AXIN1: variants seen among roughly 807,000 people sequenced by gnomAD.
The protein encoded by AXIN1 is axin-1.
A neutral mutation model predicts 76.4 loss-of-function variants in AXIN1; 30 were observed. That is an observed-to-expected ratio of 0.39 (90% CI 0.29 to 0.53). The LOEUF (loss-of-function observed/expected upper bound fraction) is 0.53. Among genes scored for constraint, AXIN1 ranks in the 20% least tolerant of loss-of-function variants. The pLI is 0.66. For missense variants in AXIN1, 1,140 were observed against 1,198.8 expected (o/e 0.95, Z 0.72); for synonymous variants, 545 against 501.4 (o/e 1.09, Z -1.16).
chr16:321,640 T>A (rs746535573), intron 2 of AXIN1, among the ~76,000 whole-genome samples: 2 of 141,262 alleles, frequency 1.4e-5, no homozygotes, highest in Non-Finnish European at 3.1e-5. Context: ...GAATATGAGG[T>A]AGGTGGATTC....
intron 2 of AXIN1, among the ~76,000 whole-genome samples, chr16:342,052 A>AGCTG (rs1169382304): frequency 6.6e-6 from 1 of 152,242 alleles, no homozygotes; most frequent in Non-Finnish European, 1.5e-5. Flanking sequence ...AGAGAATAAA[A>AGCTG]GCTGGCTGCG....
At chr16:311,347 A>G (rs984770300) in intron 3 of AXIN1, among the ~76,000 whole-genome samples, 1 of 151,996 alleles carries the variant, frequency 6.6e-6, no homozygotes, top group African/African-American at 2.4e-5. Flanking sequence ...GGTTTTCTTT[A>G]TGAACCCTTT....
At chr16:328,810 C>A (rs1286937018) in intron 2 of AXIN1, among the ~76,000 whole-genome samples, 3 of 152,222 alleles carry the variant, frequency 2.0e-5, no homozygotes, top group Non-Finnish European at 4.4e-5. Flanking sequence ...GGAGAGATGG[C>A]AGGCAGGGAG....
intron 2 of AXIN1, among the ~76,000 whole-genome samples, chr16:343,272 G>A (rs2053965094): frequency 6.6e-6 from 1 of 152,232 alleles, no homozygotes; most frequent in Admixed American, 6.5e-5. Flanking sequence ...ACCAAGGACA[G>A]ACAGCAAAGC....
chr16:341,035 C>A (rs910091981), intron 2 of AXIN1, among the ~76,000 whole-genome samples: 7 of 152,250 alleles, frequency 4.6e-5, no homozygotes, highest in Admixed American at 2.0e-4. Flanking sequence ...GGGTCAGCAC[C>A]CGAGGGCTGG....
Position 287,772 on chromosome 16 carries a change from A to G in AXIN1, c.*350T>C. 1 of 438,828 alleles carries G rather than the reference A, an allele frequency of 2.3e-6. No homozygotes were observed. The highest frequency in any genetic ancestry group is 4.3e-6 in the Non-Finnish European group (1 of 234,614). 27.2% of individuals were successfully genotyped at this position (438,828 alleles called of 1,614,324 possible). ...CCACCCAGACCTGGGTACGTGGGCA[A>G]ATCCCAGAGGGAAAGTAGATCCCAG... is the stretch of plus-strand genomic sequence containing the variant. On this transcript the variant is annotated 3_prime_UTR_variant, in exon 11 of 11. Transcript: ENST00000262320.
chr16:341,251 C>T (rs1052566861), intron 2 of AXIN1, among the ~76,000 whole-genome samples: 4 of 152,254 alleles, frequency 2.6e-5, no homozygotes, highest in Admixed American at 6.5e-5. Context: ...CCTCAGCTTG[C>T]GGGGAGGTGT....
In AXIN1 at chr16:326,369, AAAAAT is replaced by A. The variant is rs1169437072; in HGVS notation, c.879-11691_879-11687del. Among the ~76,000 whole-genome samples the A allele has an allele frequency of 5.9e-3, 590 of 99,800 alleles. 5 individuals are homozygous for A. Among genetic ancestry groups the A allele is most frequent in the African/African-American group, 0.028 (486 of 17,508 alleles). 65.5% of individuals were successfully genotyped at this position (99,800 alleles called of 152,430 possible). On this transcript the variant is annotated intron_variant, in intron 2 of 10. Transcript: ENST00000262320. ...AACTCCGTCTCAAAAAAAAAAAAAA[AAAAAT>A]ATATATATATATATATATATACACA...
chr16:288,639 A>G (rs1353528992), intron 10 of AXIN1, among the ~76,000 whole-genome samples: 2 of 152,202 alleles, frequency 1.3e-5, no homozygotes, highest in Non-Finnish European at 2.9e-5. Context: ...GGGTGTTTGC[A>G]CAGTGGCTTG....
Position 288,231 on chromosome 16 carries a change from A to G in AXIN1, c.2480T>C (p.Val827Ala), listed in dbSNP as rs780834052. The G allele has an allele frequency of 3.7e-6, 6 of 1,613,610 alleles. No homozygotes were observed. Among genetic ancestry groups the G allele is most frequent in the Non-Finnish European group, 3.4e-6 (4 of 1,179,994 alleles). Reference protein sequence around the residue: ...KGSYRYYFKKVSDEFDCGVVF... With the variant: ...KGSYRYYFKKASDEFDCGVVF... ...CACCCCACAGTCAAACTCGTCGCTC[A>G]CTTTCTTGAAGTAGTATCTGCAGGA... The change falls in exon 11 of 11, where the codon GTG becomes GCG. Residue 827 changes from valine to alanine, a missense_variant. Coordinates refer to ENST00000262320, the MANE Select transcript of AXIN1 (RefSeq NM_003502.4).
chr16:295,902 G>A (rs1350710523), intron 7 of AXIN1, among the ~76,000 whole-genome samples: 1 of 152,164 alleles, frequency 6.6e-6, no homozygotes, highest in South Asian at 2.1e-4. Context: ...AGGAGGTGGA[G>A]GTTGCAGTTA....
At chr16:307,949 C>T (rs554726529) in intron 4 of AXIN1, among the ~76,000 whole-genome samples, 1 of 152,334 alleles carries the variant, frequency 6.6e-6, no homozygotes, top group South Asian at 2.1e-4. Context: ...ACTTGGGCCT[C>T]TGGCTGAGGG....
At chr16:297,335 C>T in intron 6 of AXIN1, 109 bp from the exon 7 acceptor site, 1 of 1,431,006 alleles carries the variant, frequency 7.0e-7, no homozygotes, top group Non-Finnish European at 9.6e-7. Flanking sequence ...CGTGGTGCAG[C>T]CGCCGCCCGC....
intron 1 of AXIN1, 75 bp from the exon 2 acceptor site, chr16:347,181 A>G (rs2054050525): frequency 1.5e-6 from 2 of 1,317,444 alleles, no homozygotes; most frequent in Non-Finnish European, 2.1e-6. Flanking sequence ...TTCTCAAGAC[A>G]AGACTCACGA....
At position 346,524 on chromosome 16, in the gene AXIN1, T is replaced by C; in HGVS notation, c.502A>G (p.Ile168Val). The C allele has an allele frequency of 1.2e-6, 2 of 1,614,234 alleles. No individual in the cohort carries two copies. The highest frequency in any genetic ancestry group is 2.2e-5 in the East Asian group (1 of 44,884). Reference protein sequence around the residue: ...RQTKPATKSFIKGCIMKQLID... With the variant: ...RQTKPATKSFVKGCIMKQLID... ...AGCTGCTTCATGATGCAGCCCTTTA[T>C]GAAGCTCTTGGTGGCTGGCTTGGTC... Residue 168 changes from isoleucine (I) to valine (V), a missense_variant, in exon 2 of 11, where the codon ATA (isoleucine) becomes GTA (valine). Around this residue, in one of 3 missense-constraint regions of AXIN1, gnomAD observed 708 missense variants for 776.9 expected, o/e 0.91. Coordinates refer to ENST00000262320, the MANE Select transcript of AXIN1 (RefSeq NM_003502.4).
At chr16:288,271 G>A (rs1336927056) in intron 10 of AXIN1, 23 bp from the exon 11 acceptor site, 9 of 1,613,178 alleles carry the variant, frequency 5.6e-6, no homozygotes, top group Admixed American at 3.3e-5. Context: ...GGTGAGGAGG[G>A]CAGTGAGCAG....
At chr16:336,506 C>T (rs1324345923) in intron 2 of AXIN1, among the ~76,000 whole-genome samples, 1 of 152,078 alleles carries the variant, frequency 6.6e-6, no homozygotes, top group African/African-American at 2.4e-5. Context: ...GGGCCCTGAC[C>T]CAAGAGGGCT....
At chr16:341,280 G>A (rs1234187383) in intron 2 of AXIN1, among the ~76,000 whole-genome samples, 2 of 152,262 alleles carry the variant, frequency 1.3e-5, no homozygotes, top group East Asian at 1.9e-4. Context: ...AGGCGCGAGC[G>A]GGAACCGCGG....
intron 1 of AXIN1, among the ~76,000 whole-genome samples, chr16:351,747 A>AAT (rs955452230): frequency 4.6e-4 from 65 of 140,550 alleles, no homozygotes; most frequent in East Asian, 2.4e-3. Flanking sequence ...CTCTACAAAA[A>AAT]ATATATATAT....
Sources: allele counts gnomAD v4.1 joint callset (sites outside exome capture counted in the v4.1 genomes callset), GRCh38; gene constraint gnomAD v4.1.1; regional missense constraint gnomAD v4.1.1; transcripts MANE v1.5; gene names NCBI Gene and HGNC (gene_info 2026-07-23, HGNC 2026-07-21).